The following MLLT3 variants were observed in gnomAD, a reference collection of about 807,000 sequenced individuals.
The protein encoded by MLLT3 is protein AF-9.
Under a neutral mutation model 53.2 loss-of-function variants are expected in MLLT3, and 4 were observed. That is an observed-to-expected ratio of 0.08 (90% CI 0.04 to 0.17). The LOEUF (loss-of-function observed/expected upper bound fraction) is 0.17, where lower values mean the gene tolerates loss of function less well. Among genes scored for constraint, MLLT3 ranks in the 10% least tolerant of loss-of-function variants. The pLI, the probability that MLLT3 is intolerant of heterozygous loss-of-function variation, is 1.00. For missense variants in MLLT3, 569 were observed against 684.0 expected, an observed-to-expected ratio of 0.83 and a Z score of 1.87; for synonymous variants, 283 against 230.6, an observed-to-expected ratio of 1.23 and a Z score of -2.06.
chr9:20,481,694 A>T (rs1159238910), intron 2 of MLLT3, among the ~76,000 whole-genome samples: 1 of 152,162 alleles, frequency 6.6e-6, no homozygotes, highest in Non-Finnish European at 1.5e-5. Context: ...TCCTTCAATC[A>T]ATGACATATC....
intron 2 of MLLT3, among the ~76,000 whole-genome samples, chr9:20,582,471 T>C (rs1819818585): frequency 1.3e-5 from 2 of 152,200 alleles, no homozygotes; most frequent in African/African-American, 4.8e-5. Context: ...TTCAGAATGT[T>C]ATAAAATTGA....
intron 2 of MLLT3, among the ~76,000 whole-genome samples, chr9:20,506,758 G>A (rs553206104): frequency 3.9e-5 from 6 of 152,098 alleles, no homozygotes; most frequent in African/African-American, 1.2e-4. Flanking sequence ...AAAGAACTTA[G>A]TGTTCTTACT....
chr9:20,486,924 G>A (rs1289555705), intron 2 of MLLT3, among the ~76,000 whole-genome samples: 2 of 151,978 alleles, frequency 1.3e-5, no homozygotes, highest in East Asian at 1.9e-4. Flanking sequence ...GAATCTGGGA[G>A]GAAATGAAAA....
chr9:20,511,890 T>C (rs1013941578), intron 2 of MLLT3, among the ~76,000 whole-genome samples: 2 of 152,086 alleles, frequency 1.3e-5, no homozygotes, highest in Non-Finnish European at 2.9e-5. Flanking sequence ...ACATTAATAA[T>C]CTATCACAGC....
At chr9:20,574,895 C>G (rs1032731186) in intron 2 of MLLT3, among the ~76,000 whole-genome samples, 6 of 152,216 alleles carry the variant, frequency 3.9e-5, no homozygotes, top group Non-Finnish European at 8.8e-5. Context: ...ACCCTGCCGT[C>G]ACTTGATCAA....
chr9:20,357,218 A>G (rs113190129), intron 8 of MLLT3, among the ~76,000 whole-genome samples: 345 of 152,318 alleles, frequency 2.3e-3, no homozygotes, highest in Non-Finnish European at 4.0e-3. Flanking sequence ...CCCGGGTCCA[A>G]TGGATCACTT....
At chr9:20,457,723 A>G (rs1006080597) in intron 2 of MLLT3, among the ~76,000 whole-genome samples, 5 of 152,238 alleles carry the variant, frequency 3.3e-5, no homozygotes, top group Non-Finnish European at 5.9e-5. Context: ...ATAAGAAACA[A>G]TAAGGCTTTT....
At chr9:20,397,801 A>G (rs1485391073) in intron 5 of MLLT3, among the ~76,000 whole-genome samples, 1 of 152,064 alleles carries the variant, frequency 6.6e-6, no homozygotes, top group Admixed American at 6.6e-5. Context: ...GATAAATTAT[A>G]TTTGGGTATA....
At chr9:20,435,626 C>T (rs1823382055) in intron 4 of MLLT3, among the ~76,000 whole-genome samples, 1 of 152,084 alleles carries the variant, frequency 6.6e-6, no homozygotes, top group African/African-American at 2.4e-5. Flanking sequence ...TTTATACACT[C>T]CGAGCTATGT....
intron 5 of MLLT3, among the ~76,000 whole-genome samples, chr9:20,376,958 A>C (rs566414316): frequency 2.6e-5 from 4 of 152,202 alleles, no homozygotes; most frequent in Middle Eastern, 3.2e-3. Flanking sequence ...CATGTACAGA[A>C]GTTGAATTTC....
At chr9:20,622,192 G>C (rs979320847) in intron 1 of MLLT3, 53 bp downstream of exon 1, 1 of 1,544,596 alleles carries the variant, frequency 6.5e-7, no homozygotes, top group Non-Finnish European at 8.9e-7. Flanking sequence ...GCGGCGCAGG[G>C]CGAGGAAGGA....
chr9:20,617,515 G>GA (rs1229866491), intron 2 of MLLT3, among the ~76,000 whole-genome samples: 3 of 152,058 alleles, frequency 2.0e-5, no homozygotes, highest in South Asian at 4.2e-4. Flanking sequence ...GCTGTAACTG[G>GA]AAAAAAAGTT....
Position 20,343,790 on chromosome 9 carries a change from C to T in MLLT3, c.*2653G>A, listed in dbSNP as rs1396343596. ...CTTTGTGCTTAAGAAACCAGAGCCA[C>T]TGTTAGGGTACTCACATGTCAAAGA... On this transcript the variant is annotated 3_prime_UTR_variant, in exon 11 of 11. Transcript: ENST00000380338. 6 of 213,570 alleles carry T rather than the reference C, an allele frequency of 2.8e-5. No homozygotes were observed. Among genetic ancestry groups the T allele is most frequent in the African/African-American group, 4.5e-5 (2 of 44,308 alleles). 13.2% of individuals were successfully genotyped at this position (213,570 alleles called of 1,614,324 possible).
chr9:20,526,007 G>A (rs773265562), intron 2 of MLLT3, among the ~76,000 whole-genome samples: 1 of 152,156 alleles, frequency 6.6e-6, no homozygotes, highest in African/African-American at 2.4e-5. Flanking sequence ...GTGGTGGGAA[G>A]CATTGCTTTG....
At chr9:20,613,248 AC>A (rs1366538665) in intron 2 of MLLT3, among the ~76,000 whole-genome samples, 2 of 152,180 alleles carry the variant, frequency 1.3e-5, no homozygotes, top group Non-Finnish European at 2.9e-5. Flanking sequence ...TATACTAAAA[AC>A]CACAGACTTG....
chr9:20,364,366 C>T (rs1385457271), intron 6 of MLLT3, among the ~76,000 whole-genome samples: 1 of 152,108 alleles, frequency 6.6e-6, no homozygotes, highest in Non-Finnish European at 1.5e-5. Flanking sequence ...GAAATGAAAA[C>T]ACACACACAA....
chr9:20,498,346 T>A (rs1436531983), intron 2 of MLLT3, among the ~76,000 whole-genome samples: 1 of 148,118 alleles, frequency 6.8e-6, no homozygotes, highest in African/African-American at 2.5e-5. Context: ...GAGAATGTAA[T>A]ACTCTTCTAT....
At chr9:20,395,800 C>T (rs1004200912) in intron 5 of MLLT3, among the ~76,000 whole-genome samples, 2 of 152,066 alleles carry the variant, frequency 1.3e-5, no homozygotes, top group African/African-American at 2.4e-5. Flanking sequence ...ACATGCCCTC[C>T]GATAGATTAA....
At chr9:20,560,308 G>A (rs142187140) in intron 2 of MLLT3, among the ~76,000 whole-genome samples, 1 of 152,174 alleles carries the variant, frequency 6.6e-6, no homozygotes, top group Non-Finnish European at 1.5e-5. Flanking sequence ...TTAAAAGAAG[G>A]AGGCAAAAAG....
Sources: allele counts gnomAD v4.1 joint callset (sites outside exome capture counted in the v4.1 genomes callset), GRCh38; gene constraint gnomAD v4.1.1; transcripts MANE v1.5; gene names NCBI Gene and HGNC (gene_info 2026-07-23, HGNC 2026-07-21).